Variants in TBC1D22B observed in about 807,000 individuals in gnomAD.
TBC1D22B encodes the protein TBC1 domain family member 22B, also known as chromosome 6 open reading frame 197.
A neutral mutation model predicts 69.1 loss-of-function variants in TBC1D22B; 32 were observed. The observed-to-expected ratio is 0.46, with a 90% CI of 0.35 to 0.62. TBC1D22B has a LOEUF of 0.62. TBC1D22B is among the 20% of genes least tolerant of loss of function. The pLI is 0.00. For synonymous variants in TBC1D22B, 206 were observed against 229.8 expected (o/e 0.90, Z 0.94); for missense variants, 462 against 630.9 (o/e 0.73, Z 2.87).
Position 37,312,862 on chromosome 6 carries a change from TTC to T in TBC1D22B, c.983-49_983-48del, listed in dbSNP as rs1041714980. The T allele has an allele frequency of 2.9e-5, 41 of 1,434,904 alleles. No homozygotes were observed. In the African/African-American group the frequency reaches 4.3e-4, roughly 15 times the overall value. 88.9% of individuals were successfully genotyped at this position (1,434,904 alleles called of 1,614,324 possible). ...CCATTGAAGACACTCGAATCTATCTTTCTCTCTCCATTTTTAGATAAGACCTC... is the reference window on the plus strand; with the variant it reads ...CCATTGAAGACACTCGAATCTATCTTTCTCTCCATTTTTAGATAAGACCTC... On this transcript the variant is annotated intron_variant, in intron 8 of 12. Transcript: ENST00000373491.
At chr6:37,273,238 A>G (rs565872919) in intron 2 of TBC1D22B, among the ~76,000 whole-genome samples, 122 of 151,212 alleles carry the variant, frequency 8.1e-4, no homozygotes, top group Middle Eastern at 6.9e-3. Context: ...CTAGACCTAC[A>G]TCGTGGTCTT....
chr6:37,321,468 A>G (rs1768242202), intron 12 of TBC1D22B, among the ~76,000 whole-genome samples: 1 of 152,236 alleles, frequency 6.6e-6, no homozygotes. Context: ...ACATTTAGCA[A>G]CAACAACAAA....
At chr6:37,308,244 G>A (rs1037228556) in intron 8 of TBC1D22B, among the ~76,000 whole-genome samples, 1 of 152,118 alleles carries the variant, frequency 6.6e-6, no homozygotes, top group Non-Finnish European at 1.5e-5. Context: ...GCCCTCACTC[G>A]AGACTGCACT....
intron 10 of TBC1D22B, among the ~76,000 whole-genome samples, chr6:37,314,974 C>G (rs1768034618): frequency 6.6e-6 from 1 of 152,124 alleles, no homozygotes. Flanking sequence ...TCACCCTGGC[C>G]CAGCTGTTAG....
chr6:37,316,946 A>G, intron 11 of TBC1D22B, 116 bp downstream of exon 11: 1 of 1,558,436 alleles, frequency 6.4e-7, no homozygotes, highest in South Asian at 1.2e-5. Context: ...TTCTACTTCC[A>G]TGTCTGCTTT....
rs1768597241 is a variant in TBC1D22B at position 37,332,143 on chromosome 6, C to G, written c.*971C>G. On this transcript the variant is annotated 3_prime_UTR_variant, in exon 13 of 13. Coordinates refer to ENST00000373491, the MANE Select transcript of TBC1D22B (RefSeq NM_017772.4). Reference sequence around the variant, plus strand: ...GCCAGGAAGGTGGCTTCAGCACCTCCAGGTTGGTTCTGGGTGTCCTGCTGT... The same window carrying G: ...GCCAGGAAGGTGGCTTCAGCACCTCGAGGTTGGTTCTGGGTGTCCTGCTGT... The G allele has an allele frequency of 6.6e-6, 1 of 152,566 alleles. No individual in the cohort carries two copies. Among genetic ancestry groups the G allele is most frequent in the African/African-American group, 2.4e-5 (1 of 41,418 alleles). The allele number at this position is 152,566 out of a possible 1,614,324, so 9.5% of individuals were successfully genotyped here.
chr6:37,293,100 CAG>C (rs1268867979), intron 8 of TBC1D22B, among the ~76,000 whole-genome samples: 1 of 149,162 alleles, frequency 6.7e-6, no homozygotes, highest in Non-Finnish European at 1.5e-5. Flanking sequence ...TTTTTTGAGA[CAG>C]AGTCTCGCTC....
At chr6:37,277,443 G>T (rs916330607) in intron 2 of TBC1D22B, among the ~76,000 whole-genome samples, 24 of 151,834 alleles carry the variant, frequency 1.6e-4, no homozygotes, top group African/African-American at 5.6e-4. Context: ...CTTTGATTTG[G>T]GTACTTGTCT....
intron 12 of TBC1D22B, among the ~76,000 whole-genome samples, chr6:37,318,317 TG>T (rs1768141669): frequency 6.6e-6 from 1 of 152,156 alleles, no homozygotes; most frequent in Admixed American, 6.5e-5. Flanking sequence ...TGAGTCTGGA[TG>T]GCTTTACAGT....
intron 1 of TBC1D22B, among the ~76,000 whole-genome samples, chr6:37,262,099 CAG>C (rs1766125156): frequency 6.8e-6 from 1 of 147,948 alleles, no homozygotes; most frequent in Non-Finnish European, 1.5e-5. Flanking sequence ...GGCACGATCT[CAG>C]CTCACTGCAG....
chr6:37,287,061 C>G lies in TBC1D22B; in HGVS notation c.856C>G (p.Leu286Val). The G allele has an allele frequency of 6.2e-7, 1 of 1,603,776 alleles. No homozygotes were observed. The part of the protein sequence containing the change: ...NPLIPLFQQP[L>V]VQEIFERILF... ...TCTCATTCCGTTGTTCCAGCAACCA[C>G]TTGTACAGGAGGTGAGGGAATTACT... Residue 286 changes from leucine to valine, a missense_variant, in exon 7 of 13, where the codon CTT becomes GTT. By Grantham distance (32) the Leu-to-Val change is conservative. Around this residue, in one of 2 missense-constraint regions of TBC1D22B, gnomAD observed 225 missense variants for 375.4 expected, o/e 0.60. Coordinates refer to ENST00000373491, the MANE Select transcript of TBC1D22B (RefSeq NM_017772.4).
chr6:37,299,336 T>G (rs1418792506), intron 8 of TBC1D22B, among the ~76,000 whole-genome samples: 1 of 152,182 alleles, frequency 6.6e-6, no homozygotes, highest in African/African-American at 2.4e-5. Context: ...TTAAAAATAT[T>G]AGGTTGAATC....
At chr6:37,323,261 C>T (rs1398135528) in intron 12 of TBC1D22B, among the ~76,000 whole-genome samples, 1 of 152,178 alleles carries the variant, frequency 6.6e-6, no homozygotes, top group Non-Finnish European at 1.5e-5. Flanking sequence ...GTCGCAGTGG[C>T]TCATGCCTGT....
intron 12 of TBC1D22B, among the ~76,000 whole-genome samples, chr6:37,318,901 GGTTT>G (rs1562066818): frequency 6.6e-6 from 1 of 152,078 alleles, no homozygotes; most frequent in African/African-American, 2.4e-5. Context: ...GAGGTTTTTT[GGTTT>G]GTTTGTTTTT....
intron 8 of TBC1D22B, among the ~76,000 whole-genome samples, chr6:37,292,274 G>C (rs553554756): frequency 2.0e-5 from 3 of 152,168 alleles, no homozygotes; most frequent in Non-Finnish European, 4.4e-5. Context: ...ATTTGGAGGG[G>C]TTAGAGGGTT....
chr6:37,305,714 G>A (rs759097666), intron 8 of TBC1D22B, among the ~76,000 whole-genome samples: 15 of 152,068 alleles, frequency 9.9e-5, no homozygotes, highest in Non-Finnish European at 1.9e-4. Context: ...TAGAGACAAG[G>A]TTTCACTGTG....
intron 8 of TBC1D22B, among the ~76,000 whole-genome samples, chr6:37,312,282 CT>C (rs1048419493): frequency 5.9e-5 from 9 of 151,986 alleles, no homozygotes; most frequent in Non-Finnish European, 8.8e-5. Flanking sequence ...GGAACCCCCC[CT>C]TTTTTTTGAG....
chr6:37,278,385 G>A (rs1766727398), intron 2 of TBC1D22B, among the ~76,000 whole-genome samples: 1 of 152,196 alleles, frequency 6.6e-6, no homozygotes, highest in African/African-American at 2.4e-5. Flanking sequence ...TGCTACATAT[G>A]TGGACTACCT....
chr6:37,271,494 A>G (rs11961544), intron 2 of TBC1D22B, among the ~76,000 whole-genome samples: 4,851 of 152,290 alleles, frequency 0.032, 245 homozygotes, highest in African/African-American at 0.11. Flanking sequence ...GCGGATGTTC[A>G]TAATGGAGAG....
Sources: allele counts gnomAD v4.1 joint callset (sites outside exome capture counted in the v4.1 genomes callset), GRCh38; gene constraint gnomAD v4.1.1; regional missense constraint gnomAD v4.1.1; transcripts MANE v1.5; gene names NCBI Gene and HGNC (gene_info 2026-07-23, HGNC 2026-07-21).